The following TEKT1 variants were observed in gnomAD, a reference collection of about 807,000 sequenced individuals.
TEKT1 encodes tektin 1.
TEKT1 carries 32 observed loss-of-function variants against 34.8 expected under a neutral mutation model. The ratio of observed to expected loss-of-function variants is 0.92; its 90% CI spans 0.69 to 1.23. The LOEUF is 1.23. Ranked by LOEUF, TEKT1 falls within the 50% of genes most tolerant of loss-of-function variation. TEKT1 has a pLI of 0.00. For missense variants in TEKT1, 492 were observed against 518.5 expected (o/e 0.95, Z 0.50); for synonymous variants, 207 against 199.8 (o/e 1.04, Z -0.30).
At chr17:6,814,099 C>T (rs991745034) in intron 5 of TEKT1, among the ~76,000 whole-genome samples, 1 of 152,094 alleles carries the variant, frequency 6.6e-6, no homozygotes, top group Admixed American at 6.5e-5. Context: ...GGACCCCACC[C>T]GGGTCAAGCC....
chr17:6,806,125 G>C (rs1417617194), intron 6 of TEKT1, among the ~76,000 whole-genome samples: 3 of 152,096 alleles, frequency 2.0e-5, no homozygotes, highest in Non-Finnish European at 4.4e-5. Context: ...GGTCTCTAAG[G>C]ACTTGCTTTA....
intron 6 of TEKT1, among the ~76,000 whole-genome samples, chr17:6,801,309 T>A (rs1270484404): frequency 6.6e-6 from 1 of 152,090 alleles, no homozygotes. Context: ...TCCTCACCAC[T>A]CCTATCCTGC....
intron 2 of TEKT1, among the ~76,000 whole-genome samples, chr17:6,825,271 G>T (rs968814993): frequency 6.6e-6 from 1 of 152,122 alleles, no homozygotes. Context: ...TTGGAAAATT[G>T]AGTAGTCATT....
At chr17:6,820,260 TTGGGGAGGAGTTAAAA>T (rs1977068112) in intron 2 of TEKT1, among the ~76,000 whole-genome samples, 1 of 152,102 alleles carries the variant, frequency 6.6e-6, no homozygotes, top group African/African-American at 2.4e-5. Context: ...ATTTTCTGTT[TTGGGGAGGAGTTAAAA>T]TGGCATTTTT....
intron 7 of TEKT1, among the ~76,000 whole-genome samples, 189 bp downstream of exon 7, chr17:6,800,558 T>C (rs1404910534): frequency 3.9e-5 from 6 of 152,248 alleles, no homozygotes; most frequent in Non-Finnish European, 8.8e-5. Context: ...TCACTCAATA[T>C]TGGGATCCAT....
At chr17:6,830,036 G>T in intron 2 of TEKT1, 151 bp downstream of exon 2, 1 of 752,464 alleles carries the variant, frequency 1.3e-6, no homozygotes, top group Non-Finnish European at 2.1e-6. Flanking sequence ...CTATCTTAGG[G>T]CAGTGAACTT....
At chr17:6,829,239 A>G (rs1282366729) in intron 2 of TEKT1, among the ~76,000 whole-genome samples, 1 of 152,214 alleles carries the variant, frequency 6.6e-6, no homozygotes, top group Non-Finnish European at 1.5e-5. Context: ...CTTCTCTAGA[A>G]AAACTTTTCC....
At chr17:6,802,918 T>C (rs1394264878) in intron 6 of TEKT1, among the ~76,000 whole-genome samples, 1 of 152,192 alleles carries the variant, frequency 6.6e-6, no homozygotes, top group Non-Finnish European at 1.5e-5. Flanking sequence ...ACAATAAACA[T>C]ACGTGTGCAT....
At chr17:6,815,700 C>A in intron 4 of TEKT1, 134 bp downstream of exon 4, 2 of 1,362,226 alleles carry the variant, frequency 1.5e-6, no homozygotes, top group Non-Finnish European at 2.0e-6. Context: ...AGTGCTGGGG[C>A]AATCTGGGGA....
intron 5 of TEKT1, among the ~76,000 whole-genome samples, chr17:6,814,477 G>A (rs1976975087): frequency 6.6e-6 from 1 of 152,200 alleles, no homozygotes; most frequent in African/African-American, 2.4e-5. Flanking sequence ...CCGTATGTGT[G>A]TGAGTGCACA....
Position 6,800,058 on chromosome 17 carries a change from GC to G in TEKT1, c.1225del (p.Ala409LeufsTer20), listed in dbSNP as rs1390698042. On this transcript the variant is annotated frameshift_variant, in exon 8 of 8. Coordinates refer to ENST00000338694, the MANE Select transcript of TEKT1 (RefSeq NM_053285.2). LOFTEE classifies it high-confidence loss of function. ...LRDGEDHGVW[A>X]GGLRPDAVC The stretch of plus-strand genomic sequence containing the variant: ...GACAGCATCAGGGCGGAGGCCCCCA[GC>G]CCAGACCCCATGGTCTTCCCCATCC... 20 of 1,611,328 alleles carry G rather than the reference GC, an allele frequency of 1.2e-5. No individual in the cohort carries two copies. The highest frequency in any genetic ancestry group is 1.4e-5 in the Non-Finnish European group (17 of 1,179,990).
chr17:6,812,561 G>A (rs898499792), intron 6 of TEKT1, among the ~76,000 whole-genome samples: 4 of 152,142 alleles, frequency 2.6e-5, no homozygotes, highest in African/African-American at 4.8e-5. Context: ...TAAGCCTCCC[G>A]TCTCCTGCCT....
At chr17:6,803,636 A>G (rs1449902704) in intron 6 of TEKT1, among the ~76,000 whole-genome samples, 5 of 152,132 alleles carry the variant, frequency 3.3e-5, no homozygotes, top group African/African-American at 9.7e-5. Context: ...TGATTTTTGT[A>G]TAAGGTGTAA....
intron 7 of TEKT1, 44 bp from the exon 8 acceptor site, chr17:6,800,278 C>T: frequency 6.4e-7 from 1 of 1,569,018 alleles, no homozygotes; most frequent in South Asian, 1.2e-5. Context: ...TCTCTCTATG[C>T]ATTGCTTTTT....
chr17:6,801,173 C>A (rs2151580729), intron 6 of TEKT1, among the ~76,000 whole-genome samples: 1 of 152,318 alleles, frequency 6.6e-6, no homozygotes, highest in Non-Finnish European at 1.5e-5. Context: ...CCATTGTCAC[C>A]TCATCTACCC....
At position 6,803,935 on chromosome 17, in the gene TEKT1, C is replaced by T. The variant is rs560389848; in HGVS notation, c.853-2992G>A. Among the ~76,000 whole-genome samples, 8 of 152,130 alleles carry T rather than the reference C, an allele frequency of 5.3e-5. No individual in the cohort carries two copies. In the South Asian group the frequency reaches 1.7e-3, roughly 32 times the overall value. On this transcript the variant is annotated intron_variant, in intron 6 of 7. Transcript: ENST00000338694. ...TTCTTTTGGCTTAGGATTGACTTGGCAATGCCAGCCCTTTTTTGGTTCCAT... is the reference window on the plus strand; with the variant it reads ...TTCTTTTGGCTTAGGATTGACTTGGTAATGCCAGCCCTTTTTTGGTTCCAT...
Position 6,812,955 on chromosome 17 carries a change from T to G in TEKT1, c.728A>C (p.Asp243Ala), listed in dbSNP as rs771805652. 4 of 1,614,236 alleles carry G rather than the reference T, an allele frequency of 2.5e-6. No individual in the cohort carries two copies. Among genetic ancestry groups the G allele is most frequent in the Non-Finnish European group, 3.4e-6 (4 of 1,180,030 alleles). Reference protein sequence around the residue: ...NNSLMLKALVDRILSQTANDL... With the variant: ...NNSLMLKALVARILSQTANDL... ...ATTGGCTGTCTGGGACAGGATTCGA[T>G]CCACCAGGGCTTTCAGCATCAGGGA... The change falls in exon 6 of 8, where the codon GAT becomes GCT. Residue 243 changes from aspartate (D) to alanine (A), a missense_variant. Asp to Ala is a moderately radical substitution (Grantham distance 126). Coordinates refer to ENST00000338694, the MANE Select transcript of TEKT1 (RefSeq NM_053285.2).
chr17:6,813,626 G>A (rs994589069), intron 5 of TEKT1, among the ~76,000 whole-genome samples: 8 of 148,794 alleles, frequency 5.4e-5, no homozygotes, highest in Non-Finnish European at 1.0e-4. Context: ...ATGAAAAGCA[G>A]GCAAAACCAA....
chr17:6,815,418 G>T, intron 4 of TEKT1, 112 bp from the exon 5 acceptor site: 1 of 1,279,488 alleles, frequency 7.8e-7, no homozygotes. Context: ...GCAGGATGAT[G>T]GTACTGCCCC....
Sources: gnomAD v4.1 joint callset for allele counts (sites outside exome capture counted in the v4.1 genomes callset) on GRCh38, gnomAD v4.1.1 for gene constraint, MANE v1.5 for transcripts, NCBI Gene and HGNC (gene_info 2026-07-23, HGNC 2026-07-21) for gene names.